WDR33: variants seen among roughly 807,000 people sequenced by gnomAD.
WDR33 encodes pre-mRNA 3' end processing protein WDR33.
In WDR33, 47 loss-of-function variants were observed where a neutral mutation model predicts 164.9. That is an observed-to-expected ratio of 0.29 (90% CI 0.23 to 0.36). WDR33 has a LOEUF of 0.36. Among genes scored for constraint, WDR33 ranks in the 10% least tolerant of loss-of-function variants. The probability of loss-of-function intolerance (pLI) is 1.00; values close to 1 mark genes in which losing one functional copy is unlikely to be tolerated. For synonymous variants in WDR33, 505 were observed against 589.0 expected (o/e 0.86, Z 2.06); for missense variants, 1,137 against 1,754.1 (o/e 0.65, Z 6.28).
intron 1 of WDR33, among the ~76,000 whole-genome samples, chr2:127,800,723 G>C (rs1324867645): frequency 2.0e-5 from 3 of 150,710 alleles, no homozygotes; most frequent in Admixed American, 6.6e-5. Flanking sequence ...TAAAACCATA[G>C]ACTTTACAAA....
intron 7 of WDR33, among the ~76,000 whole-genome samples, chr2:127,742,911 GA>G (rs1248539530): frequency 1.4e-5 from 2 of 146,638 alleles, no homozygotes; most frequent in African/African-American, 2.5e-5. Flanking sequence ...AGATCATTCA[GA>G]AAACATTCAG....
At chr2:127,780,120 C>A (rs1033585395) in intron 1 of WDR33, among the ~76,000 whole-genome samples, 2 of 151,968 alleles carry the variant, frequency 1.3e-5, no homozygotes, top group Non-Finnish European at 2.9e-5. Flanking sequence ...AATACAGGCC[C>A]CCGCCACCAC....
chr2:127,789,922 G>A (rs980176119), intron 1 of WDR33, among the ~76,000 whole-genome samples: 10 of 150,764 alleles, frequency 6.6e-5, no homozygotes, highest in East Asian at 3.9e-4. Context: ...TGCAGCCTCC[G>A]CCTCCCAGGC....
At chr2:127,791,638 G>A (rs865805815) in intron 1 of WDR33, among the ~76,000 whole-genome samples, 3 of 151,960 alleles carry the variant, frequency 2.0e-5, no homozygotes, top group African/African-American at 7.3e-5. Context: ...ATCACACTGG[G>A]GGTTACTACT....
Position 127,716,371 on chromosome 2 carries a change from G to A in WDR33, c.2869+784C>T, listed in dbSNP as rs186738406. Among the ~76,000 whole-genome samples the A allele has an allele frequency of 1.2e-4, 18 of 152,252 alleles. No individual in the cohort carries two copies. The highest frequency in any genetic ancestry group is 3.9e-4 in the African/African-American group (16 of 41,532). On this transcript the variant is annotated intron_variant, in intron 17 of 21. Coordinates refer to ENST00000322313, the MANE Select transcript of WDR33 (RefSeq NM_018383.5). The surrounding 1 kb of genome is among the most constrained non-coding windows in gnomAD (Gnocchi z 4.5). ...AAGTTCTGTGAAGGGCAATCTCTGC[G>A]GTCCTCCTGATTCTCCGAGTTGTGG...
chr2:127,781,914 C>A (rs1283669349), intron 1 of WDR33, among the ~76,000 whole-genome samples: 1 of 150,752 alleles, frequency 6.6e-6, no homozygotes, highest in Non-Finnish European at 1.5e-5. Flanking sequence ...AGGAGAATTG[C>A]CTGAACCCGG....
chr2:127,770,653 T>C lies in WDR33; in HGVS notation c.204+125A>G. On this transcript the variant is annotated intron_variant, in intron 2 of 21. Transcript: ENST00000322313. The surrounding 1 kb of genome is among the most constrained non-coding windows in gnomAD (Gnocchi z 4.9). ...TTGCAGTGAGCCAAAACCACACCAC[T>C]GCACTCTGGCCTGGGCAACAAGAAA... The C allele has an allele frequency of 1.5e-6, 1 of 660,846 alleles. No individual in the cohort carries two copies. The highest frequency in any genetic ancestry group is 4.8e-5 in the East Asian group (1 of 20,970). The allele number at this position is 660,846 out of a possible 1,614,324, so 40.9% of individuals were successfully genotyped here. A position where few individuals can be genotyped will look rare whatever the true frequency, so the allele number is the denominator to read the frequency against.
chr2:127,767,731 A>G (rs1226515834), intron 4 of WDR33, among the ~76,000 whole-genome samples: 1 of 152,172 alleles, frequency 6.6e-6, no homozygotes, highest in Non-Finnish European at 1.5e-5. Flanking sequence ...ATAAAAAAAT[A>G]AAATAAAATT....
At chr2:127,772,888 C>T (rs911500402) in intron 1 of WDR33, among the ~76,000 whole-genome samples, 12 of 149,312 alleles carry the variant, frequency 8.0e-5, no homozygotes, top group Admixed American at 2.7e-4. Context: ...TTTGGGGGGC[C>T]AAGCAGGAGG....
In WDR33 at chr2:127,709,434, A is replaced by C. The variant is rs1393033271; in HGVS notation, c.3565+56T>G. 6.4e-7 allele frequency: 1 copy of C among 1,566,096 alleles called. No individual in the cohort carries two copies. ...GGTGCACCCCAGAGAGGGCCCTCAG[A>C]ACTCACTTTGTGAACTGCAGTCTAG... On this transcript the variant is annotated intron_variant, in intron 20 of 21. Coordinates refer to ENST00000322313, the MANE Select transcript of WDR33 (RefSeq NM_018383.5). This position sits in a 1 kb window ranked among gnomAD's most constrained non-coding sequence, Gnocchi z 5.0.
rs779061282 is a variant in WDR33 at position 127,724,308 on chromosome 2, T to G, written c.1196+25A>C. On this transcript the variant is annotated intron_variant, in intron 11 of 21. Coordinates refer to ENST00000322313, the MANE Select transcript of WDR33 (RefSeq NM_018383.5). This position sits in a 1 kb window ranked among gnomAD's most constrained non-coding sequence, Gnocchi z 4.8. Reference sequence around the variant, plus strand: ...TATTTCCTGTTGCTCCATATAAAGCTTTGCTATTTCAATATAAAGCTTACC... The same window carrying G: ...TATTTCCTGTTGCTCCATATAAAGCGTTGCTATTTCAATATAAAGCTTACC... 1.9e-6 allele frequency: 3 copies of G among 1,575,010 alleles called. No individual in the cohort carries two copies. The highest frequency in any genetic ancestry group is 2.6e-6 in the Non-Finnish European group (3 of 1,145,180).
At position 127,726,268 on chromosome 2, in the gene WDR33, T is replaced by C. The variant is rs543754965; in HGVS notation, c.851+383A>G. Among the ~76,000 whole-genome samples, 43 of 152,222 alleles carry C rather than the reference T, an allele frequency of 2.8e-4. No homozygotes were observed. The highest frequency in any genetic ancestry group is 9.6e-4 in the African/African-American group (40 of 41,540). ...GGTTCAAAACCAGAAGAAAACCCTC[T>C]CGAAACAGATGTTGTGAGATGGAGA... On this transcript the variant is annotated intron_variant, in intron 8 of 21. Coordinates refer to ENST00000322313, the MANE Select transcript of WDR33 (RefSeq NM_018383.5). This position sits in a 1 kb window ranked among gnomAD's most constrained non-coding sequence, Gnocchi z 4.8.
chr2:127,778,669 C>T (rs553520090), intron 1 of WDR33, among the ~76,000 whole-genome samples: 1 of 152,054 alleles, frequency 6.6e-6, no homozygotes, highest in Non-Finnish European at 1.5e-5. Flanking sequence ...AGGAAACTTA[C>T]AGCACCAATC....
Position 127,735,451 on chromosome 2 carries a change from G to T in WDR33, c.725-8674C>A. ...CCATGTTCCCATTTTATTTTTCCTG[G>T]ATCAGACCATTTTATGAACAAATCT... On this transcript the variant is annotated intron_variant, in intron 7 of 21. Transcript: ENST00000322313. This position sits in a 1 kb window ranked among gnomAD's most constrained non-coding sequence, Gnocchi z 4.3. 1 of 985,090 alleles carries T rather than the reference G, an allele frequency of 1.0e-6. No individual in the cohort carries two copies. Among genetic ancestry groups the T allele is most frequent in the Non-Finnish European group, 1.2e-6 (1 of 829,388 alleles). 61.0% of individuals were successfully genotyped at this position (985,090 alleles called of 1,614,324 possible).
chr2:127,778,311 C>T (rs900937834), intron 1 of WDR33, among the ~76,000 whole-genome samples: 1 of 151,966 alleles, frequency 6.6e-6, no homozygotes, highest in Non-Finnish European at 1.5e-5. Flanking sequence ...GTGGCTGACG[C>T]CTGTAATCCC....
rs113741663 is a variant in WDR33, at chr2:127,791,169, C to G, written c.-24+19843G>C. On this transcript the variant is annotated intron_variant, in intron 1 of 21. Coordinates refer to ENST00000322313, the MANE Select transcript of WDR33 (RefSeq NM_018383.5). ...CCAAACTCTTTCCCCACCCCACCCC[C>G]CCCCCCAGCAACTGCGTCTCACTCT... Among the ~76,000 whole-genome samples, 33 of 105,748 alleles carry G rather than the reference C, an allele frequency of 3.1e-4. 1 individual carries two copies. The highest frequency in any genetic ancestry group is 9.8e-4 in the African/African-American group (29 of 29,558). The allele number at this position is 105,748 out of a possible 152,430, so 69.4% of individuals were successfully genotyped here. A position where few individuals can be genotyped will look rare whatever the true frequency, so the allele number is the denominator to read the frequency against.
chr2:127,802,530 C>T (rs771668494), intron 1 of WDR33, among the ~76,000 whole-genome samples: 1 of 152,138 alleles, frequency 6.6e-6, no homozygotes, highest in Non-Finnish European at 1.5e-5. Flanking sequence ...GATCTGCCCC[C>T]CTCGGCCTCC....
Position 127,770,443 on chromosome 2 carries a change from A to C in WDR33, c.204+335T>G, listed in dbSNP as rs1188620159. 1.3e-5 allele frequency among the ~76,000 whole-genome samples: 2 copies of C among 152,122 alleles called. No homozygotes were observed. Among genetic ancestry groups the C allele is most frequent in the African/African-American group, 4.8e-5 (2 of 41,438 alleles). Reference sequence around the variant, plus strand: ...AGTGGCTCATGCCTGTAATCCCAGCACTTTGGGAGACTGAGGCAGGTGGAT... The same window carrying C: ...AGTGGCTCATGCCTGTAATCCCAGCCCTTTGGGAGACTGAGGCAGGTGGAT... On this transcript the variant is annotated intron_variant, in intron 2 of 21. Coordinates refer to ENST00000322313, the MANE Select transcript of WDR33 (RefSeq NM_018383.5). This position sits in a 1 kb window ranked among gnomAD's most constrained non-coding sequence, Gnocchi z 4.9.
chr2:127,775,779 C>T (rs1345693376), intron 1 of WDR33, among the ~76,000 whole-genome samples: 2 of 151,748 alleles, frequency 1.3e-5, no homozygotes, highest in Non-Finnish European at 2.9e-5. Context: ...TTCAGTAAAA[C>T]GGGTTCTGAA....
Sources: gnomAD v4.1 joint callset for allele counts (sites outside exome capture counted in the v4.1 genomes callset) on GRCh38, gnomAD v4.1.1 for gene constraint, Gnocchi (gnomAD v3.1) non-coding constraint, MANE v1.5 for transcripts, NCBI Gene and HGNC (gene_info 2026-07-23, HGNC 2026-07-21) for gene names.